DOCK2: variants seen among roughly 807,000 people sequenced by gnomAD.
The protein encoded by DOCK2 is dedicator of cytokinesis protein 2.
DOCK2 carries 87 observed loss-of-function variants against 248.9 expected under a neutral mutation model. The observed-to-expected ratio is 0.35, with a 90% CI of 0.29 to 0.42. DOCK2 has a LOEUF of 0.42. Ranked by LOEUF, DOCK2 falls within the 10% of genes least tolerant of loss-of-function variation. The pLI is 1.00. For synonymous variants in DOCK2, 805 were observed against 821.6 expected (o/e 0.98, Z 0.35); for missense variants, 1,747 against 2,300.2 (o/e 0.76, Z 4.92).
chr5:170,023,464 G>C (rs1386501178), intron 33 of DOCK2, among the ~76,000 whole-genome samples: 1 of 152,058 alleles, frequency 6.6e-6, no homozygotes, highest in East Asian at 1.9e-4. Context: ...CTGTTGTTTG[G>C]ATTCAGATAG....
intron 34 of DOCK2, among the ~76,000 whole-genome samples, chr5:170,029,217 C>G (rs1232060003): frequency 6.6e-6 from 1 of 152,200 alleles, no homozygotes; most frequent in Non-Finnish European, 1.5e-5. Context: ...GTTCCAATTT[C>G]TCTACATTCT....
At chr5:169,881,491 GGGCCA>G (rs1772643681) in intron 27 of DOCK2, 2 of 1,447,370 alleles carry the variant, frequency 1.4e-6, no homozygotes, top group Admixed American at 2.0e-5. Flanking sequence ...AAAGTCACGT[GGGCCA>G]CAAACATTCA....
At chr5:169,745,987 T>C (rs1276129797) in intron 22 of DOCK2, among the ~76,000 whole-genome samples, 1 of 152,154 alleles carries the variant, frequency 6.6e-6, no homozygotes, top group African/African-American at 2.4e-5. Flanking sequence ...CAACACTCCT[T>C]GTCTCTGTGA....
intron 22 of DOCK2, among the ~76,000 whole-genome samples, chr5:169,732,688 T>C (rs970987000): frequency 2.0e-5 from 3 of 152,128 alleles, no homozygotes; most frequent in Admixed American, 6.6e-5. Context: ...CGTATCTCAA[T>C]TTATCTATAT....
chr5:169,663,273 G>T (rs1758544900), intron 2 of DOCK2, among the ~76,000 whole-genome samples: 2 of 152,230 alleles, frequency 1.3e-5, no homozygotes, highest in South Asian at 2.1e-4. Flanking sequence ...CTGTGGCATT[G>T]CAGGGTACAG....
chr5:170,048,055 T>C (rs2113850401), intron 40 of DOCK2, among the ~76,000 whole-genome samples: 1 of 152,348 alleles, frequency 6.6e-6, no homozygotes, highest in Middle Eastern at 3.4e-3. Context: ...CATGAGAAAT[T>C]AAAACTAAGA....
intron 22 of DOCK2, among the ~76,000 whole-genome samples, chr5:169,729,433 A>G (rs1006139642): frequency 6.6e-6 from 1 of 152,182 alleles, no homozygotes; most frequent in African/African-American, 2.4e-5. Context: ...TGTGGCACAT[A>G]TGGTCACTGT....
At chr5:170,014,268 A>G (rs570540740) in intron 32 of DOCK2, among the ~76,000 whole-genome samples, 1 of 152,260 alleles carries the variant, frequency 6.6e-6, no homozygotes, top group Admixed American at 6.5e-5. Context: ...GGCTCCCCAA[A>G]GATGTCCATG....
intron 27 of DOCK2, among the ~76,000 whole-genome samples, chr5:169,948,467 ATCTC>A (rs888843805): frequency 3.2e-4 from 49 of 151,030 alleles, no homozygotes; most frequent in African/African-American, 9.9e-4. Context: ...CATCCCCTAC[ATCTC>A]TCTCTCTCTC....
At chr5:169,784,101 C>A (rs1204629312) in intron 25 of DOCK2, among the ~76,000 whole-genome samples, 2 of 148,680 alleles carry the variant, frequency 1.3e-5, no homozygotes, top group Non-Finnish European at 3.0e-5. Flanking sequence ...TTCTGTTGTG[C>A]GTGGATTGTG....
In DOCK2 at chr5:170,072,646, CTAAG is replaced by C. The variant is rs376680682; in HGVS notation, c.4729-3299_4729-3296del. ...ATCAATTTTCACTCCCACACAACTTCTAAGTCAGTTGATCCACATTCTCCCTGAC... is the reference window on the plus strand; with the variant it reads ...ATCAATTTTCACTCCCACACAACTTCTCAGTTGATCCACATTCTCCCTGAC... On this transcript the variant is annotated intron_variant, in intron 46 of 51. Transcript: ENST00000520908. Among the ~76,000 whole-genome samples, 849 of 152,336 alleles carry C rather than the reference CTAAG, an allele frequency of 5.6e-3. 4 individuals are homozygous for C. The highest frequency in any genetic ancestry group is 0.019 in the African/African-American group (789 of 41,568).
intron 2 of DOCK2, among the ~76,000 whole-genome samples, chr5:169,657,943 A>C (rs1464697299): frequency 6.6e-6 from 1 of 152,200 alleles, no homozygotes. Flanking sequence ...AAATCTAATA[A>C]AGTTGAGACT....
intron 27 of DOCK2, among the ~76,000 whole-genome samples, chr5:169,907,896 A>G (rs569194908): frequency 2.6e-5 from 4 of 152,332 alleles, no homozygotes; most frequent in Non-Finnish European, 2.9e-5. Context: ...ACACACAGGA[A>G]CCGTTGGCCA....
At chr5:169,791,065 A>G (rs983336737) in intron 25 of DOCK2, among the ~76,000 whole-genome samples, 2 of 152,206 alleles carry the variant, frequency 1.3e-5, no homozygotes, top group African/African-American at 4.8e-5. Flanking sequence ...GATCAATCCA[A>G]CACTAAACAG....
intron 27 of DOCK2, among the ~76,000 whole-genome samples, chr5:169,925,315 G>A (rs1219454043): frequency 2.6e-5 from 4 of 152,114 alleles, no homozygotes; most frequent in Non-Finnish European, 5.9e-5. Context: ...GGACAGATGG[G>A]TCCTGGTAAG....
At chr5:169,751,999 C>G (rs1763920058) in intron 23 of DOCK2, among the ~76,000 whole-genome samples, 1 of 137,420 alleles carries the variant, frequency 7.3e-6, no homozygotes, top group Non-Finnish European at 1.5e-5. Context: ...GCACTATTCT[C>G]TATGCCACAG....
chr5:170,025,102 G>A (rs185280311), intron 33 of DOCK2, among the ~76,000 whole-genome samples: 1 of 152,372 alleles, frequency 6.6e-6, no homozygotes, highest in East Asian at 1.9e-4. Flanking sequence ...CATTAGTGGT[G>A]ATGACAAGTC....
intron 27 of DOCK2, among the ~76,000 whole-genome samples, chr5:169,859,401 T>G (rs1771056567): frequency 2.0e-5 from 3 of 152,166 alleles, no homozygotes; most frequent in Non-Finnish European, 4.4e-5. Flanking sequence ...CAGTCAAATG[T>G]GGTTTGTGCT....
intron 22 of DOCK2, among the ~76,000 whole-genome samples, chr5:169,741,478 T>C (rs1346258420): frequency 6.6e-6 from 1 of 152,200 alleles, no homozygotes; most frequent in African/African-American, 2.4e-5. Context: ...ACATCACTCC[T>C]TGACTCTTGT....
Sources: allele counts gnomAD v4.1 joint callset (sites outside exome capture counted in the v4.1 genomes callset), GRCh38; gene constraint gnomAD v4.1.1; transcripts MANE v1.5; gene names NCBI Gene and HGNC (gene_info 2026-07-23, HGNC 2026-07-21).